The following ZNF214 variants were observed in gnomAD, a reference collection of about 807,000 sequenced individuals.
The protein encoded by ZNF214 is BWSCR2-associated zinc finger protein 1.
Under a neutral mutation model 53.9 loss-of-function variants are expected in ZNF214, and 43 were observed. That is an observed-to-expected ratio of 0.80 (90% CI 0.63 to 1.03). ZNF214 has a LOEUF of 1.03. ZNF214 is among the 50% of genes least tolerant of loss of function. The probability of loss-of-function intolerance (pLI) is 0.00; values close to 1 mark genes in which losing one functional copy is unlikely to be tolerated. For synonymous variants in ZNF214, 217 were observed against 229.5 expected (o/e 0.95, Z 0.49); for missense variants, 724 against 719.1 (o/e 1.01, Z -0.08).
At chr11:7,009,197 CA>C (rs1851547680) in intron 1 of ZNF214, among the ~76,000 whole-genome samples, 1 of 152,004 alleles carries the variant, frequency 6.6e-6, no homozygotes, top group Admixed American at 6.6e-5. Flanking sequence ...CTACAGTAAC[CA>C]AAACAGCAGG....
intron 1 of ZNF214, among the ~76,000 whole-genome samples, chr11:7,007,369 C>T (rs1851494618): frequency 4.2e-5 from 1 of 23,794 alleles, no homozygotes; most frequent in South Asian, 2.9e-3. Context: ...GATTAAAAGA[C>T]TCAGATTAAA....
chr11:7,009,306 T>G (rs747396445), intron 1 of ZNF214, among the ~76,000 whole-genome samples: 1 of 152,052 alleles, frequency 6.6e-6, no homozygotes, highest in Non-Finnish European at 1.5e-5. Context: ...TCAACAAAGT[T>G]GACAAAAACA....
At chr11:7,016,430 A>G (rs1851770623) in intron 1 of ZNF214, among the ~76,000 whole-genome samples, 1 of 152,216 alleles carries the variant, frequency 6.6e-6, no homozygotes, top group Non-Finnish European at 1.5e-5. Flanking sequence ...TTCCTTTTAC[A>G]TCTTTTTGAC....
chr11:7,002,030 ACTCT>A (rs1229453915), intron 2 of ZNF214, among the ~76,000 whole-genome samples: 3 of 151,768 alleles, frequency 2.0e-5, no homozygotes, highest in African/African-American at 7.3e-5. Context: ...CTCCTTCCAC[ACTCT>A]CTCTATGCTT....
intron 1 of ZNF214, among the ~76,000 whole-genome samples, chr11:7,010,138 A>C (rs1385115233): frequency 6.6e-6 from 1 of 152,180 alleles, no homozygotes; most frequent in East Asian, 1.9e-4. Context: ...TTTCAGCACT[A>C]TTCACAATAG....
chr11:6,997,978 T>G lies in ZNF214; in HGVS notation c.*1884A>C, dbSNP rs546724555. Among the ~76,000 whole-genome samples the G allele has an allele frequency of 3.9e-5, 6 of 152,084 alleles. No homozygotes were observed. The highest frequency in any genetic ancestry group is 1.3e-4 in the Admixed American group (2 of 15,234). ...CAGACAACTGCATATCTAATTGATTTCAGTGCTTATCACTAGTCCTTTTAT... is the reference window on the plus strand; with the variant it reads ...CAGACAACTGCATATCTAATTGATTGCAGTGCTTATCACTAGTCCTTTTAT... On this transcript the variant is annotated 3_prime_UTR_variant, in exon 3 of 3. Coordinates refer to ENST00000278314, the MANE Select transcript of ZNF214 (RefSeq NM_013249.4).
intron 1 of ZNF214, among the ~76,000 whole-genome samples, chr11:7,014,291 T>G (rs1156370178): frequency 1.3e-5 from 2 of 152,192 alleles, no homozygotes; most frequent in African/African-American, 2.4e-5. Flanking sequence ...CCAAAAGATC[T>G]GTACAAGAAC....
chr11:6,999,859 T>C lies in ZNF214; in HGVS notation c.*3A>G, dbSNP rs775720786. On this transcript the variant is annotated 3_prime_UTR_variant, in exon 3 of 3. Transcript: ENST00000278314. The stretch of plus-strand genomic sequence containing the variant: ...TTAAAGCTGTTAACTAAATGAACAA[T>C]ATTTATAAGTTTCCTCTTCTATGAT... 5.0e-6 allele frequency: 8 copies of C among 1,595,666 alleles called. No homozygotes were observed. In the East Asian group the frequency reaches 9.0e-5, roughly 18 times the overall value.
chr11:7,000,088 C>A lies in ZNF214; in HGVS notation c.1595G>T (p.Gly532Val). The A allele has an allele frequency of 6.2e-7, 1 of 1,613,360 alleles. No individual in the cohort carries two copies. Among genetic ancestry groups the A allele is most frequent in the Non-Finnish European group, 8.5e-7 (1 of 1,179,564 alleles). ...ATTAGAACTGTGACTAAAACCCTTT[C>A]CACAATCATGACATTTATAGGGCTT... The part of the protein sequence containing the change: ...GEKPYKCHDC[G>V]KGFSHSSNLH... Residue 532 changes from glycine to valine, a missense_variant, in exon 3 of 3, where the codon GGA becomes GTA. Transcript: ENST00000278314.
At chr11:7,013,086 T>C (rs1203805723) in intron 1 of ZNF214, among the ~76,000 whole-genome samples, 1 of 152,120 alleles carries the variant, frequency 6.6e-6, no homozygotes, top group Non-Finnish European at 1.5e-5. Context: ...TTTCTCCACG[T>C]GGTCCTTTCA....
At chr11:7,006,684 G>T (rs2133394449) in intron 1 of ZNF214, among the ~76,000 whole-genome samples, 1 of 151,968 alleles carries the variant, frequency 6.6e-6, no homozygotes, top group South Asian at 2.1e-4. Context: ...CATTTATTGT[G>T]ATTACTAATA....
At position 6,998,943 on chromosome 11, in the gene ZNF214, C is replaced by T. The variant is rs555962979; in HGVS notation, c.*919G>A. Among the ~76,000 whole-genome samples, 3 of 152,086 alleles carry T rather than the reference C, an allele frequency of 2.0e-5. No individual in the cohort carries two copies. In the East Asian group the frequency reaches 5.8e-4, roughly 29 times the overall value. On this transcript the variant is annotated 3_prime_UTR_variant, in exon 3 of 3. Coordinates refer to ENST00000278314, the MANE Select transcript of ZNF214 (RefSeq NM_013249.4). Reference sequence around the variant, plus strand: ...AGATAATGGCCAAACTCTCTTTTTACATAATTAGCTTCAGGGTTCATCGTT... The same window carrying T: ...AGATAATGGCCAAACTCTCTTTTTATATAATTAGCTTCAGGGTTCATCGTT...
intron 1 of ZNF214, among the ~76,000 whole-genome samples, chr11:7,005,550 C>T (rs538808628): frequency 6.6e-6 from 1 of 152,144 alleles, no homozygotes; most frequent in East Asian, 1.9e-4. Context: ...TTATTCACTT[C>T]CTGTTAGCTG....
chr11:7,013,148 A>G (rs921328917), intron 1 of ZNF214, among the ~76,000 whole-genome samples: 5 of 152,160 alleles, frequency 3.3e-5, no homozygotes, highest in Admixed American at 2.6e-4. Context: ...AAGAAAGTCA[A>G]GCAAAAGCTG....
In ZNF214 at chr11:7,002,837, T is replaced by C; in HGVS notation, c.-2A>G. 6.3e-7 allele frequency: 1 copy of C among 1,591,930 alleles called. No individual in the cohort carries two copies. Among genetic ancestry groups the C allele is most frequent in the South Asian group, 1.2e-5 (1 of 86,778 alleles). On this transcript the variant is annotated 5_prime_UTR_variant, in exon 2 of 3. Transcript: ENST00000278314. The stretch of plus-strand genomic sequence containing the variant: ...CACATCTTCAAATGTTACTGCCATC[T>C]GGTCAAAGATCAGGCTTTCTAGGAA...
chr11:7,008,646 T>C (rs916712999), intron 1 of ZNF214, among the ~76,000 whole-genome samples: 2 of 152,200 alleles, frequency 1.3e-5, no homozygotes, highest in East Asian at 1.9e-4. Flanking sequence ...AGTCAAACTA[T>C]CTCTGTTTGC....
At position 7,000,507 on chromosome 11, in the gene ZNF214, A is replaced by G. The variant is rs768355142; in HGVS notation, c.1176T>C (p.Gly392=). 1.6e-5 allele frequency: 26 copies of G among 1,612,554 alleles called. No homozygotes were observed. Among genetic ancestry groups the G allele is most frequent in the Non-Finnish European group, 2.0e-5 (24 of 1,179,284 alleles). ...GEKPYKCDEC[G]KGFSQSSNLR... ...GATTTGAGCTCTGGCTGAAACCCTT[A>G]CCACACTCATCACACTTATATGGTT... The change falls in exon 3 of 3, where the codon GGT becomes GGC. Residue 392 remains glycine (G), a synonymous_variant. Coordinates refer to ENST00000278314, the MANE Select transcript of ZNF214 (RefSeq NM_013249.4).
chr11:7,015,819 A>C (rs1361409886), intron 1 of ZNF214: 2 of 152,188 alleles, frequency 1.3e-5, no homozygotes, highest in African/African-American at 4.8e-5. Flanking sequence ...GGAGAGGCTA[A>C]TTCAATGGCA....
At chr11:7,017,790 A>G (rs940853095) in intron 1 of ZNF214, among the ~76,000 whole-genome samples, 2 of 152,196 alleles carry the variant, frequency 1.3e-5, no homozygotes, top group African/African-American at 2.4e-5. Flanking sequence ...CTAGAATGGA[A>G]CACTATACAG....
Sources: gnomAD v4.1 joint callset for allele counts (sites outside exome capture counted in the v4.1 genomes callset) on GRCh38, gnomAD v4.1.1 for gene constraint, MANE v1.5 for transcripts, NCBI Gene and HGNC (gene_info 2026-07-23, HGNC 2026-07-21) for gene names.